Variants in PLXNC1 observed in about 807,000 individuals in gnomAD.
The protein encoded by PLXNC1 is plexin C1.
A neutral mutation model predicts 178.2 loss-of-function variants in PLXNC1; 75 were observed. The ratio of observed to expected loss-of-function variants is 0.42; its 90% CI spans 0.35 to 0.51. The LOEUF is 0.51. Among genes scored for constraint, PLXNC1 ranks in the 20% least tolerant of loss-of-function variants. The pLI, the probability that PLXNC1 is intolerant of heterozygous loss-of-function variation, is 0.02. For missense variants in PLXNC1, 1,503 were observed against 1,984.4 expected (o/e 0.76, Z 4.61); for synonymous variants, 790 against 779.9 (o/e 1.01, Z -0.22).
chr12:94,290,415 G>A (rs1377444706), intron 23 of PLXNC1, among the ~76,000 whole-genome samples: 5 of 152,244 alleles, frequency 3.3e-5, no homozygotes, highest in East Asian at 1.9e-4. Context: ...GAGGATGCTC[G>A]TTAATAGGAG....
chr12:94,154,443 G>A (rs1266577487), intron 1 of PLXNC1, among the ~76,000 whole-genome samples: 1 of 152,198 alleles, frequency 6.6e-6, no homozygotes, highest in East Asian at 1.9e-4. Context: ...GTCAAGTAGT[G>A]CTTATTCTAT....
chr12:94,181,818 A>G (rs1962317634), intron 3 of PLXNC1, among the ~76,000 whole-genome samples: 3 of 152,130 alleles, frequency 2.0e-5, no homozygotes. Flanking sequence ...TCCAGTGCCA[A>G]GTTTTTCAGA....
intron 5 of PLXNC1, 55 bp downstream of exon 5, chr12:94,209,759 G>A (rs1963410461): frequency 6.6e-6 from 7 of 1,060,698 alleles, no homozygotes; most frequent in African/African-American, 1.6e-5. Context: ...TTGCACAGCG[G>A]ATGCTAAATT....
At chr12:94,217,943 T>C (rs1456217052) in intron 5 of PLXNC1, among the ~76,000 whole-genome samples, 1 of 152,216 alleles carries the variant, frequency 6.6e-6, no homozygotes, top group Non-Finnish European at 1.5e-5. Context: ...ATGGAATAAT[T>C]ATAGTTATGT....
intron 20 of PLXNC1, 60 bp from the exon 21 acceptor site, chr12:94,265,019 C>T: frequency 6.5e-7 from 1 of 1,544,140 alleles, no homozygotes; most frequent in East Asian, 2.3e-5. Flanking sequence ...AACTTTAATT[C>T]TTTGGAAAGT....
At chr12:94,293,169 T>G (rs1967539329) in intron 23 of PLXNC1, among the ~76,000 whole-genome samples, 1 of 152,228 alleles carries the variant, frequency 6.6e-6, no homozygotes, top group African/African-American at 2.4e-5. Flanking sequence ...GTAACAGTAG[T>G]TTGCTCATTT....
chr12:94,154,028 C>T (rs1961060530), intron 1 of PLXNC1, among the ~76,000 whole-genome samples: 1 of 152,200 alleles, frequency 6.6e-6, no homozygotes, highest in South Asian at 2.1e-4. Flanking sequence ...CTCATATACA[C>T]ATATTATATG....
intron 3 of PLXNC1, chr12:94,185,980 C>T (rs1962494087): frequency 5.5e-6 from 1 of 181,248 alleles, no homozygotes; most frequent in Non-Finnish European, 1.2e-5. Context: ...CCTGGCCAGA[C>T]ACAGTGGTGC....
intron 9 of PLXNC1, among the ~76,000 whole-genome samples, chr12:94,237,300 CTCTT>C (rs1309472297): frequency 6.6e-6 from 1 of 152,218 alleles, no homozygotes; most frequent in Non-Finnish European, 1.5e-5. Context: ...TCAATGGACT[CTCTT>C]TCTTTTCCTT....
chr12:94,182,283 T>A (rs1204178267), intron 3 of PLXNC1, among the ~76,000 whole-genome samples: 1 of 151,970 alleles, frequency 6.6e-6, no homozygotes, highest in African/African-American at 2.4e-5. Flanking sequence ...CCGGGCATAG[T>A]GGCTCATGCC....
intron 4 of PLXNC1, among the ~76,000 whole-genome samples, chr12:94,199,280 C>T (rs1963035936): frequency 6.6e-6 from 1 of 151,464 alleles, no homozygotes; most frequent in Non-Finnish European, 1.5e-5. Flanking sequence ...TGTCCTTGTG[C>T]AGATCTCAAG....
At chr12:94,266,913 G>C (rs534320500) in intron 21 of PLXNC1, among the ~76,000 whole-genome samples, 1 of 152,232 alleles carries the variant, frequency 6.6e-6, no homozygotes, top group South Asian at 2.1e-4. Flanking sequence ...CTTTCCCTCG[G>C]GACTGACTGA....
At chr12:94,189,146 G>C (rs1314646701) in intron 4 of PLXNC1, among the ~76,000 whole-genome samples, 1 of 152,218 alleles carries the variant, frequency 6.6e-6, no homozygotes, top group African/African-American at 2.4e-5. Flanking sequence ...TGGTGGTATA[G>C]CTGTAGACTC....
At chr12:94,209,869 C>T (rs1175559123) in intron 5 of PLXNC1, among the ~76,000 whole-genome samples, 165 bp downstream of exon 5, 1 of 152,118 alleles carries the variant, frequency 6.6e-6, no homozygotes, top group Non-Finnish European at 1.5e-5. Flanking sequence ...CCACCAGATG[C>T]CATCCACTCT....
At chr12:94,236,710 A>G (rs937243108) in intron 9 of PLXNC1, among the ~76,000 whole-genome samples, 3 of 152,204 alleles carry the variant, frequency 2.0e-5, no homozygotes, top group Non-Finnish European at 4.4e-5. Flanking sequence ...TGGACTTTAT[A>G]TTGGGTAGAA....
rs1964956888 is a variant in PLXNC1, at chr12:94,260,231, T to C, written c.3252-411T>C. On this transcript the variant is annotated intron_variant, in intron 19 of 30. Transcript: ENST00000258526. The surrounding 1 kb of genome is among the most constrained non-coding windows in gnomAD (Gnocchi z 4.4). The stretch of plus-strand genomic sequence containing the variant: ...ACCACACCCAGCTAATGTTTTGTTG[T>C]TGTTGTAGTAGAGATGGGGTCTTGC... Among the ~76,000 whole-genome samples, 1 of 152,022 alleles carries C rather than the reference T, an allele frequency of 6.6e-6. No homozygotes were observed. Among genetic ancestry groups the C allele is most frequent in the Non-Finnish European group, 1.5e-5 (1 of 68,024 alleles).
At position 94,169,206 on chromosome 12, in the gene PLXNC1, C is replaced by A. The variant is rs770449252; in HGVS notation, c.1116C>A (p.Ile372=). The A allele has an allele frequency of 3.1e-6, 5 of 1,613,758 alleles. No homozygotes were observed. In the South Asian group the frequency reaches 5.5e-5, roughly 18 times the overall value. The change falls in exon 2 of 31, where the codon ATC becomes ATA. Residue 372 remains isoleucine, a synonymous_variant. Coordinates refer to ENST00000258526, the MANE Select transcript of PLXNC1 (RefSeq NM_005761.3). The part of the protein sequence containing the change: ...RVQPIASSTL[I]HSDLTSVYGT... ...AACCAATCGCATCATCTACCTTGAT[C>A]CATTCCGACCTGACATCCGTTTATG...
intron 14 of PLXNC1, 103 bp downstream of exon 14, chr12:94,248,515 CCT>C: frequency 1.1e-6 from 1 of 914,384 alleles, no homozygotes; most frequent in Non-Finnish European, 1.7e-6. Context: ...ATCTTCAGAT[CCT>C]CACTTTAAAT....
In PLXNC1 at chr12:94,298,719, T is replaced by A; in HGVS notation, c.4162T>A (p.Phe1388Ile). The change falls in exon 27 of 31, where the codon TTT becomes ATT. Residue 1388 changes from phenylalanine to isoleucine, a missense_variant. Transcript: ENST00000258526. Reference protein sequence around the residue: ...SRAPFAIKYFFDFLDAQAENK... With the variant: ...SRAPFAIKYFIDFLDAQAENK... The stretch of plus-strand genomic sequence containing the variant: ...AGCTCCATTTGCTATAAAATACTTT[T>A]TTGACTTTTTGGACGCCCAGGCTGA... 2 of 1,613,312 alleles carry A rather than the reference T, an allele frequency of 1.2e-6. No individual in the cohort carries two copies. The highest frequency in any genetic ancestry group is 1.7e-6 in the Non-Finnish European group (2 of 1,179,830).
Sources: gnomAD v4.1 joint callset for allele counts (sites outside exome capture counted in the v4.1 genomes callset) on GRCh38, gnomAD v4.1.1 for gene constraint, Gnocchi (gnomAD v3.1) non-coding constraint, MANE v1.5 for transcripts, NCBI Gene and HGNC (gene_info 2026-07-23, HGNC 2026-07-21) for gene names.